Variants in ANK2 observed in about 807,000 individuals in gnomAD.
The protein encoded by ANK2 is ankyrin-2.
Under a neutral mutation model 360.5 loss-of-function variants are expected in ANK2, and 83 were observed. The observed-to-expected ratio is 0.23, with a 90% confidence interval of 0.19 to 0.28. ANK2 has a LOEUF of 0.28. Among genes scored for constraint, ANK2 ranks in the 10% least tolerant of loss-of-function variants. The probability of loss-of-function intolerance (pLI) is 1.00; values close to 1 mark genes in which losing one functional copy is unlikely to be tolerated. For missense variants in ANK2, 4,201 were observed against 4,795.7 expected, an observed-to-expected ratio of 0.88 and a Z score of 3.66; for synonymous variants, 1,740 against 1,759.5, an observed-to-expected ratio of 0.99 and a Z score of 0.28.
At chr4:112,709,311 A>G in the ANK2 span, among the ~76,000 whole-genome samples, 3 of 152,334 alleles carry the variant, frequency 2.0e-5, no homozygotes, top group African/African-American at 7.2e-5. Flanking sequence ...CTAACTTTGT[A>G]AAAGAAAAGA....
rs373331757 is a variant in ANK2 at position 113,009,410 on chromosome 4, G to A, written c.21+104896G>A. ...TTAGTTGAAATACTTTTAAATTTAT[G>A]GCAATGGGTCCAATTGTTAATCTGA... On this transcript the variant is annotated intron_variant, in intron 2 of 30. Transcript: ENST00000503271. Among the ~76,000 whole-genome samples, 180 of 152,008 alleles carry A rather than the reference G, an allele frequency of 1.2e-3. 2 individuals carry two copies. Among genetic ancestry groups the A allele is most frequent in the African/African-American group, 4.1e-3 (170 of 41,456 alleles).
chr4:113,333,292 GTGTATA>G, intron 29 of ANK2, 84 bp downstream of exon 29: 1 of 1,483,038 alleles, frequency 6.7e-7, no homozygotes, highest in Non-Finnish European at 9.3e-7. Context: ...CTAGGGGTGT[GTGTATA>G]TGTGTGTGTG....
chr4:113,180,709 A>G (rs1435231283), intron 2 of ANK2, among the ~76,000 whole-genome samples: 1 of 152,238 alleles, frequency 6.6e-6, no homozygotes, highest in East Asian at 1.9e-4. Context: ...GGGACCTTAT[A>G]AAAACAACAA....
intron 4 of ANK2, among the ~76,000 whole-genome samples, chr4:113,208,352 A>G (rs2098979104): frequency 6.6e-6 from 1 of 151,958 alleles, no homozygotes; most frequent in Admixed American, 6.6e-5. Flanking sequence ...AAGACTGATT[A>G]AGGACCAGTT....
At chr4:112,954,599 C>T (rs760848574) in intron 2 of ANK2, among the ~76,000 whole-genome samples, 71 of 152,284 alleles carry the variant, frequency 4.7e-4, no homozygotes, top group Non-Finnish European at 9.1e-4. Context: ...GGTTTTACTA[C>T]TCATTGATTT....
intron 1 of ANK2, among the ~76,000 whole-genome samples, chr4:113,102,818 C>A (rs1247251150): frequency 2.0e-5 from 3 of 152,058 alleles, no homozygotes; most frequent in Non-Finnish European, 4.4e-5. Flanking sequence ...TCTAGATATC[C>A]TCCTCTTTAT....
At chr4:112,754,518 G>GC in the ANK2 span, among the ~76,000 whole-genome samples, 1 of 14,920 alleles carries the variant, frequency 6.7e-5, no homozygotes, top group Admixed American at 9.5e-4. Context: ...TTTTTTTTTT[G>GC]GGGGGGCGTG....
intron 23 of ANK2, among the ~76,000 whole-genome samples, chr4:113,307,218 C>T (rs772107428): frequency 7.9e-5 from 12 of 152,122 alleles, no homozygotes; most frequent in Non-Finnish European, 1.8e-4. Context: ...AATATAGAGG[C>T]GCCTCCTCCT....
At chr4:112,970,612 T>C (rs1253096881) in intron 2 of ANK2, among the ~76,000 whole-genome samples, 1 of 152,204 alleles carries the variant, frequency 6.6e-6, no homozygotes. Context: ...CTTCTTTTAA[T>C]TTATTTCTAC....
intron 1 of ANK2, among the ~76,000 whole-genome samples, chr4:113,122,553 A>G (rs1389389789): frequency 6.6e-6 from 1 of 152,118 alleles, no homozygotes. Flanking sequence ...GTATGTCAGT[A>G]TTTCCAGAAA....
intron 2 of ANK2, among the ~76,000 whole-genome samples, chr4:112,999,391 T>G (rs2049792290): frequency 6.6e-6 from 1 of 152,126 alleles, no homozygotes; most frequent in Non-Finnish European, 1.5e-5. Flanking sequence ...CTTTTTACAT[T>G]AAGGAAATGA....
the ANK2 span, among the ~76,000 whole-genome samples, chr4:112,789,934 A>G: frequency 0.023 from 3,546 of 152,314 alleles, 118 homozygotes; most frequent in African/African-American, 0.079. Flanking sequence ...CCAAAAACAT[A>G]CACACCAGAA....
At chr4:113,262,531 T>C (rs974015820) in intron 13 of ANK2, among the ~76,000 whole-genome samples, 1 of 152,168 alleles carries the variant, frequency 6.6e-6, no homozygotes, top group Non-Finnish European at 1.5e-5. Flanking sequence ...CAACTGGTCT[T>C]GTTTTGTTTT....
chr4:113,293,433 T>C lies in ANK2; in HGVS notation c.2377-7T>C. On this transcript the variant is annotated splice_region_variant and splice_polypyrimidine_tract_variant and intron_variant, in intron 21 of 45. Transcript: ENST00000357077. ...TTCTCACTCTCTCTCTTTCACTCTC[T>C]CTTCAGAATGGCAACACTGCCTTGG... 5 of 1,611,456 alleles carry C rather than the reference T, an allele frequency of 3.1e-6. No homozygotes were observed. The highest frequency in any genetic ancestry group is 4.2e-6 in the Non-Finnish European group (5 of 1,178,374).
rs1323229217 is a variant in ANK2 at position 113,001,520 on chromosome 4, CAA to C, written c.21+97012_21+97013del. 2.0e-5 allele frequency among the ~76,000 whole-genome samples: 3 copies of C among 149,654 alleles called. No individual in the cohort carries two copies. In the East Asian group the frequency reaches 5.9e-4, roughly 30 times the overall value. On this transcript the variant is annotated intron_variant, in intron 2 of 30. Coordinates refer to the ANK2 transcript ENST00000503271. Reference sequence around the variant, plus strand: ...TTTAACTTTGACTTCCCTTCCCCGACAAAAAAATTCAAAGCATTTCAGTGTCT... The same window carrying C: ...TTTAACTTTGACTTCCCTTCCCCGACAAAAATTCAAAGCATTTCAGTGTCT...
At chr4:113,351,872 A>G (rs1310197913) in intron 37 of ANK2, among the ~76,000 whole-genome samples, 1 of 152,192 alleles carries the variant, frequency 6.6e-6, no homozygotes, top group Non-Finnish European at 1.5e-5. Context: ...TCATCTAGGT[A>G]TAAACTAATC....
chr4:113,226,486 T>C (rs2099223667), intron 4 of ANK2, among the ~76,000 whole-genome samples: 1 of 152,226 alleles, frequency 6.6e-6, no homozygotes, highest in South Asian at 2.1e-4. Context: ...CGTTCAGATA[T>C]CATTTCCTTA....
At chr4:113,263,817 G>A (rs1251011289) in intron 13 of ANK2, among the ~76,000 whole-genome samples, 1 of 152,090 alleles carries the variant, frequency 6.6e-6, no homozygotes, top group Non-Finnish European at 1.5e-5. Context: ...AAAATTACTT[G>A]AGTGAATGAA....
chr4:113,366,198 C>T (rs1384573233), intron 41 of ANK2, among the ~76,000 whole-genome samples: 1 of 152,116 alleles, frequency 6.6e-6, no homozygotes, highest in Non-Finnish European at 1.5e-5. Flanking sequence ...TCCTCTCTTC[C>T]CATTCCCTCT....
Sources: gnomAD v4.1 joint callset for allele counts (sites outside exome capture counted in the v4.1 genomes callset) on GRCh38, gnomAD v4.1.1 for gene constraint, MANE v1.5 for transcripts, NCBI Gene and HGNC (gene_info 2026-07-23, HGNC 2026-07-21) for gene names.